The following MYH14 variants were observed in gnomAD, a reference collection of about 807,000 sequenced individuals.
MYH14 encodes the protein myosin-14.
Under a neutral mutation model 255.5 loss-of-function variants are expected in MYH14, and 123 were observed. The observed-to-expected ratio is 0.48, with a 90% CI of 0.42 to 0.56. The LOEUF is 0.56. Among genes scored for constraint, MYH14 ranks in the 20% least tolerant of loss-of-function variants. The pLI, the probability that MYH14 is intolerant of heterozygous loss-of-function variation, is 0.00. For synonymous variants in MYH14, 1,095 were observed against 1,161.2 expected (o/e 0.94, Z 1.16); for missense variants, 2,423 against 2,802.3 (o/e 0.86, Z 3.06).
chr19:50,206,233 C>T (rs1166115757), intron 1 of MYH14, among the ~76,000 whole-genome samples: 1 of 152,002 alleles, frequency 6.6e-6, no homozygotes, highest in Non-Finnish European at 1.5e-5. Context: ...GGGGCTCAGA[C>T]TCCTGGGTCC....
chr19:50,271,832 C>A lies in MYH14; in HGVS notation c.3172-17C>A. The A allele has an allele frequency of 6.2e-7, 1 of 1,612,606 alleles. No homozygotes were observed. Among genetic ancestry groups the A allele is most frequent in the Non-Finnish European group, 8.5e-7 (1 of 1,179,752 alleles). On this transcript the variant is annotated splice_polypyrimidine_tract_variant and intron_variant, in intron 25 of 42. Transcript: ENST00000642316. ...CCAACTCCTCCTGACTGCCCCCCAT[C>A]CCACTCCACCCCTCAGGAGCGGAAG...
At chr19:50,211,637 A>G (rs2032199560) in intron 2 of MYH14, among the ~76,000 whole-genome samples, 1 of 151,978 alleles carries the variant, frequency 6.6e-6, no homozygotes, top group Admixed American at 6.6e-5. Flanking sequence ...ACACAATTAG[A>G]CCTGACAGAG....
In MYH14 at chr19:50,280,678, A is replaced by G. The variant is rs183434825; in HGVS notation, c.4290+295A>G. Among the ~76,000 whole-genome samples, 7 of 151,610 alleles carry G rather than the reference A, an allele frequency of 4.6e-5. No homozygotes were observed. Among genetic ancestry groups the G allele is most frequent in the Admixed American group, 3.3e-4 (5 of 15,230 alleles). On this transcript the variant is annotated intron_variant, in intron 32 of 42. Coordinates refer to ENST00000642316, the MANE Select transcript of MYH14 (RefSeq NM_001145809.2). The surrounding 1 kb of genome is among the most constrained non-coding windows in gnomAD (Gnocchi z 4.8). ...CTCTGGGCCTCCAGCCTCTCCCCTA[A>G]CAGCTCATCCCCTGCACAGCCCCAG...
chr19:50,308,085 GAC>G (rs1237215216), intron 41 of MYH14, among the ~76,000 whole-genome samples: 2 of 152,236 alleles, frequency 1.3e-5, no homozygotes, highest in Non-Finnish European at 2.9e-5. Context: ...GAGAGAGGAA[GAC>G]ACAGAGGATT....
chr19:50,259,471 GCACA>G (rs1446629519), intron 19 of MYH14, among the ~76,000 whole-genome samples: 3 of 152,244 alleles, frequency 2.0e-5, no homozygotes, highest in Non-Finnish European at 4.4e-5. Context: ...CTGAGAGAAA[GCACA>G]CAGAGTCTAT....
At position 50,278,116 on chromosome 19, in the gene MYH14, C is replaced by G; in HGVS notation, c.3859C>G (p.Leu1287Val). ...TGCATGGGAGAAGACCCGGCTGGCC[C>G]TGGAGGCCGAGGTGTCCGAGCTGCG... Reference protein sequence around the residue: ...KGAWEKTRLALEAEVSELRAE... With the variant: ...KGAWEKTRLAVEAEVSELRAE... Residue 1287 changes from leucine to valine, a missense_variant, in exon 30 of 43, where the codon CTG (leucine) becomes GTG (valine). Transcript: ENST00000642316. 1 of 1,598,438 alleles carries G rather than the reference C, an allele frequency of 6.3e-7. No individual in the cohort carries two copies. The highest frequency in any genetic ancestry group is 8.6e-7 in the Non-Finnish European group (1 of 1,168,394).
At chr19:50,223,024 C>A in intron 3 of MYH14, 59 bp from the exon 4 acceptor site, 1 of 1,532,600 alleles carries the variant, frequency 6.5e-7, no homozygotes, top group Non-Finnish European at 9.0e-7. Flanking sequence ...TGTAAGGGAC[C>A]AGAGGGCCCT....
In MYH14 at chr19:50,309,661, CACCCGCACGG is replaced by C; in HGVS notation, c.5983_5992del (p.Thr1995CysfsTer7). 1 of 1,611,194 alleles carries C rather than the reference CACCCGCACGG, an allele frequency of 6.2e-7. No individual in the cohort carries two copies. Among genetic ancestry groups the C allele is most frequent in the Non-Finnish European group, 8.5e-7 (1 of 1,178,974 alleles). ...ACAGACGCGGCCCCCTCACCTTCAC[CACCCGCACGG>C]TGCGCCAGGTCTTCCGACTAGAGGA... On this transcript the variant is annotated frameshift_variant, in exon 43 of 43. Transcript: ENST00000642316. LOFTEE classifies it low-confidence loss of function (END_TRUNC).
At chr19:50,257,967 C>T (rs752968556) in intron 18 of MYH14, among the ~76,000 whole-genome samples, 3 of 152,080 alleles carry the variant, frequency 2.0e-5, no homozygotes, top group Non-Finnish European at 2.9e-5. Context: ...GGTTGGAGCA[C>T]GCGAGGTACA....
intron 30 of MYH14, 103 bp from the exon 31 acceptor site, chr19:50,279,934 G>GT: frequency 1.1e-6 from 1 of 871,504 alleles, no homozygotes; most frequent in East Asian, 2.6e-5. Flanking sequence ...CACGGCAGCT[G>GT]TAACATTTCA....
chr19:50,227,395 G>A (rs753242873), intron 8 of MYH14, among the ~76,000 whole-genome samples: 5 of 152,144 alleles, frequency 3.3e-5, no homozygotes, highest in Non-Finnish European at 7.4e-5. Context: ...TCCCGGGGAA[G>A]CACAGAGAGA....
At chr19:50,234,244 T>C (rs1288972237) in intron 10 of MYH14, among the ~76,000 whole-genome samples, 1 of 152,136 alleles carries the variant, frequency 6.6e-6, no homozygotes, top group Non-Finnish European at 1.5e-5. Context: ...GAGGGGGTGG[T>C]GTAGACATGA....
chr19:50,228,429 C>G (rs1026064532), intron 8 of MYH14, among the ~76,000 whole-genome samples: 1 of 152,178 alleles, frequency 6.6e-6, no homozygotes, highest in Non-Finnish European at 1.5e-5. Flanking sequence ...TAAGCTCACG[C>G]TCTTCCATAA....
Position 50,260,631 on chromosome 19 carries a change from C to A in MYH14, c.2355-15C>A. 6.2e-7 allele frequency: 1 copy of A among 1,605,800 alleles called. No individual in the cohort carries two copies. Among genetic ancestry groups the A allele is most frequent in the Non-Finnish European group, 8.5e-7 (1 of 1,173,094 alleles). ...CTGTAACTCTCTCCTCCCCACCCCT[C>A]CCTGCTCATTGCAGATACGAGATCC... is the stretch of plus-strand genomic sequence containing the variant. On this transcript the variant is annotated splice_polypyrimidine_tract_variant and intron_variant, in intron 19 of 42. Transcript: ENST00000642316.
At position 50,255,300 on chromosome 19, in the gene MYH14, G is replaced by A; in HGVS notation, c.2026G>A (p.Ala676Thr). The A allele has an allele frequency of 6.4e-7, 1 of 1,551,182 alleles. No homozygotes were observed. The highest frequency in any genetic ancestry group is 8.7e-7 in the Non-Finnish European group (1 of 1,146,900). ...AGGATCTGCAGAGAGGTGCAGCTCT[G>A]CTATTTCTCCGCCAGGGGGTGGGTG... ...PPGSAERCSSAISPPGVEGIV... is the reference protein window; with the variant it reads ...PPGSAERCSSTISPPGVEGIV... Residue 676 changes from alanine (A) to threonine (T), a missense_variant, in exon 17 of 43, where the codon GCT (alanine) becomes ACT (threonine). Transcript: ENST00000642316.
chr19:50,271,312 C>A (rs184548379), intron 24 of MYH14, 97 bp from the exon 25 acceptor site: 2 of 1,330,664 alleles, frequency 1.5e-6, no homozygotes, highest in South Asian at 1.4e-5. Flanking sequence ...CCACAAGCCG[C>A]GGGGATCCGT....
Position 50,307,154 on chromosome 19 carries a change from C to T in MYH14, c.5784C>T (p.Asp1928=), listed in dbSNP as rs1023617721. ...EERRVADQLR[D]QLEKGNLRVK... is the part of the protein sequence containing the mutation. ...GGAGGGTGGCTGACCAGCTCCGGGA[C>T]CAGGTAAGCAGCTGGCATCATTAGG... The change falls in exon 41 of 43, where the codon GAC becomes GAT. Residue 1928 remains aspartate, a synonymous_variant. Coordinates refer to ENST00000642316, the MANE Select transcript of MYH14 (RefSeq NM_001145809.2). The T allele has an allele frequency of 3.1e-5, 47 of 1,540,958 alleles. No individual in the cohort carries two copies. The highest frequency in any genetic ancestry group is 2.6e-4 in the Admixed American group (13 of 50,942).
chr19:50,216,313 A>G (rs1436298059), intron 2 of MYH14, among the ~76,000 whole-genome samples: 2 of 147,968 alleles, frequency 1.4e-5, no homozygotes, highest in Admixed American at 6.6e-5. Context: ...TGTGTCTACA[A>G]AAAAATACAC....
intron 34 of MYH14, among the ~76,000 whole-genome samples, chr19:50,288,275 G>A (rs950878766): frequency 3.9e-5 from 6 of 152,184 alleles, no homozygotes; most frequent in Non-Finnish European, 8.8e-5. Flanking sequence ...CGTGCTTCTA[G>A]GAGTCCAATG....
Sources: gnomAD v4.1 joint callset for allele counts (sites outside exome capture counted in the v4.1 genomes callset) on GRCh38, gnomAD v4.1.1 for gene constraint, Gnocchi (gnomAD v3.1) non-coding constraint, MANE v1.5 for transcripts, NCBI Gene and HGNC (gene_info 2026-07-23, HGNC 2026-07-21) for gene names.